Variants in ZC3H12B observed in about 807,000 individuals in gnomAD.
The protein encoded by ZC3H12B is probable ribonuclease ZC3H12B.
In ZC3H12B, 7 loss-of-function variants were observed where a neutral mutation model predicts 43.9. The ratio of observed to expected loss-of-function variants is 0.16; its 90% CI spans 0.09 to 0.30. The LOEUF is 0.30. Among genes scored for constraint, ZC3H12B ranks in the 10% least tolerant of loss-of-function variants. The pLI, the probability that ZC3H12B is intolerant of heterozygous loss-of-function variation, is 1.00. For synonymous variants in ZC3H12B, 222 were observed against 241.7 expected, an observed-to-expected ratio of 0.92 and a Z score of 0.76; for missense variants, 475 against 670.2, an observed-to-expected ratio of 0.71 and a Z score of 3.22.
chrX:65,076,783 G>A, the ZC3H12B span, among the ~76,000 whole-genome samples: 2 of 109,031 alleles, frequency 1.8e-5, no homozygotes, highest in South Asian at 7.8e-4. Flanking sequence ...CTATATCTTT[G>A]TTGAGATACT....
the ZC3H12B span, among the ~76,000 whole-genome samples, chrX:65,215,587 G>T: frequency 9.0e-6 from 1 of 111,087 alleles, no homozygotes; most frequent in African/African-American, 3.3e-5. Flanking sequence ...TTTGTTGCTC[G>T]TTTGATCTTC....
chrX:65,189,450 C>A, the ZC3H12B span, among the ~76,000 whole-genome samples: 1 of 103,609 alleles, frequency 9.7e-6, no homozygotes, highest in Admixed American at 1.0e-4. Flanking sequence ...ACATCCTCTC[C>A]AGCACCTGTT....
At position 65,504,477 on chromosome X, in the gene ZC3H12B, T is replaced by G. The variant is rs994352623; in HGVS notation, c.*1268T>G. On this transcript the variant is annotated 3_prime_UTR_variant, in exon 5 of 5. Coordinates refer to ENST00000338957, the Ensembl canonical transcript of ZC3H12B. ...TCTTACCTTCCAAGTCTCTTCACCTTAGCAAATTAGGGATCAGGTTGCAGT... is the reference window on the plus strand; with the variant it reads ...TCTTACCTTCCAAGTCTCTTCACCTGAGCAAATTAGGGATCAGGTTGCAGT... 17 of 112,516 alleles carry G rather than the reference T, an allele frequency of 1.5e-4. No homozygotes were observed. The Admixed American group carries it at 1.6e-3, about 11-fold the overall frequency. 9.3% of individuals were successfully genotyped at this position (112,516 alleles called of 1,213,427 possible).
intron 3 of ZC3H12B, among the ~76,000 whole-genome samples, chrX:65,468,639 G>A (rs1323604249): frequency 6.1e-5 from 6 of 98,892 alleles, no homozygotes; most frequent in Admixed American, 4.4e-4. Flanking sequence ...GCCCGCCACC[G>A]TGCCCGGCTA....
chrX:65,112,106 TA>T, the ZC3H12B span, among the ~76,000 whole-genome samples: 2 of 112,119 alleles, frequency 1.8e-5, no homozygotes, highest in Admixed American at 1.9e-4. Flanking sequence ...GACACGAAAG[TA>T]AAACTGTCTT....
the ZC3H12B span, among the ~76,000 whole-genome samples, chrX:65,055,979 T>G: frequency 3.9e-4 from 44 of 111,858 alleles, no homozygotes; most frequent in African/African-American, 1.4e-3. Context: ...CTACTCTCTT[T>G]TCTTCTTTTT....
the ZC3H12B span, among the ~76,000 whole-genome samples, chrX:65,212,588 T>G: frequency 1.2e-5 from 1 of 81,291 alleles, no homozygotes; most frequent in Non-Finnish European, 2.2e-5. Flanking sequence ...CAGTATATAT[T>G]ATATATAATA....
exon 5 of ZC3H12B, chrX:65,502,898 C>T (rs1356530140): frequency 8.3e-7 from 1 of 1,209,765 alleles, no homozygotes; most frequent in African/African-American, 1.8e-5. Context: ...GGACCCGCTG[C>T]CCTGTACAAC....
At chrX:65,105,147 A>G in the ZC3H12B span, among the ~76,000 whole-genome samples, 1 of 110,592 alleles carries the variant, frequency 9.0e-6, no homozygotes, top group Non-Finnish European at 1.9e-5. Flanking sequence ...GCAAACTAAC[A>G]CTGGAACAGA....
the ZC3H12B span, among the ~76,000 whole-genome samples, chrX:65,139,058 ATTGT>A: frequency 8.9e-6 from 1 of 111,979 alleles, no homozygotes; most frequent in Admixed American, 9.5e-5. Context: ...CACTGTGTTG[ATTGT>A]TTACTCAGCT....
the ZC3H12B span, among the ~76,000 whole-genome samples, chrX:65,243,994 A>C: frequency 9.0e-6 from 1 of 111,715 alleles, no homozygotes; most frequent in African/African-American, 3.2e-5. Flanking sequence ...AGGAGTTATA[A>C]AGAAAAATTT....
chrX:65,415,712 G>T (rs1471546997), intron 3 of ZC3H12B, among the ~76,000 whole-genome samples: 11 of 111,751 alleles, frequency 9.8e-5, no homozygotes, highest in African/African-American at 2.9e-4. Flanking sequence ...TGGTTGAGGG[G>T]CTTAGAATTT....
At chrX:65,211,865 A>G in the ZC3H12B span, among the ~76,000 whole-genome samples, 1 of 78,475 alleles carries the variant, frequency 1.3e-5, no homozygotes, top group Non-Finnish European at 2.2e-5. Context: ...TGTATACTAT[A>G]TAATATATAA....
At chrX:65,242,621 T>C in the ZC3H12B span, among the ~76,000 whole-genome samples, 1 of 111,966 alleles carries the variant, frequency 8.9e-6, no homozygotes, top group African/African-American at 3.3e-5. Flanking sequence ...TTTGCAAATA[T>C]TAAAAGATCC....
At chrX:65,132,096 G>T in the ZC3H12B span, among the ~76,000 whole-genome samples, 1 of 111,440 alleles carries the variant, frequency 9.0e-6, no homozygotes, top group Non-Finnish European at 1.9e-5. Flanking sequence ...GAGAGGCTGG[G>T]ATGAGGGGTG....
the ZC3H12B span, among the ~76,000 whole-genome samples, chrX:65,241,064 T>C: frequency 5.8e-4 from 65 of 111,991 alleles, 1 homozygote; most frequent in East Asian, 9.7e-3. Context: ...GCAGACTGGC[T>C]GGTTTTGGGT....
chrX:65,176,999 C>G, the ZC3H12B span, among the ~76,000 whole-genome samples: 1 of 112,173 alleles, frequency 8.9e-6, no homozygotes. Context: ...AGGCCAATAT[C>G]CTTGATCAAC....
chrX:65,222,463 G>T, the ZC3H12B span, among the ~76,000 whole-genome samples: 1 of 110,203 alleles, frequency 9.1e-6, no homozygotes, highest in African/African-American at 3.3e-5. Context: ...TATCCAAAAA[G>T]CTTCTAAAGC....
chrX:65,202,191 A>G, the ZC3H12B span, among the ~76,000 whole-genome samples: 1 of 66,792 alleles, frequency 1.5e-5, no homozygotes, highest in East Asian at 3.5e-4. Flanking sequence ...AATATATATT[A>G]TATATAATAT....
Sources: gnomAD v4.1 joint callset for allele counts (sites outside exome capture counted in the v4.1 genomes callset) on GRCh38, gnomAD v4.1.1 for gene constraint, MANE v1.5 for transcripts, NCBI Gene and HGNC (gene_info 2026-07-23, HGNC 2026-07-21) for gene names.